The following DGKZ variants were observed in gnomAD, a reference collection of about 807,000 sequenced individuals.
The protein encoded by DGKZ is diacylglycerol kinase zeta.
In DGKZ, 45 loss-of-function variants were observed where a neutral mutation model predicts 142.5. That is an observed-to-expected ratio of 0.32 (90% CI 0.25 to 0.40). DGKZ has a LOEUF of 0.40. DGKZ is among the 10% of genes least tolerant of loss of function. The pLI is 1.00. For synonymous variants in DGKZ, 442 were observed against 527.0 expected (o/e 0.84, Z 2.21); for missense variants, 755 against 1,306.5 (o/e 0.58, Z 6.51).
chr11:46,350,483 T>G (rs934675350), intron 1 of DGKZ, among the ~76,000 whole-genome samples: 2 of 151,942 alleles, frequency 1.3e-5, no homozygotes, highest in African/African-American at 4.8e-5. Context: ...ATCCACCCCA[T>G]GTCCCCCATC....
intron 1 of DGKZ, among the ~76,000 whole-genome samples, chr11:46,357,994 G>A (rs1052517821): frequency 6.6e-5 from 10 of 152,212 alleles, no homozygotes; most frequent in Admixed American, 3.9e-4. Flanking sequence ...CAGGAGCCAC[G>A]TCTGCCAGGG....
chr11:46,361,809 C>T, intron 1 of DGKZ: 2 of 402,698 alleles, frequency 5.0e-6, no homozygotes, highest in Non-Finnish European at 6.7e-6. Context: ...CGGGCCCCAC[C>T]ATCCCTAGGC....
chr11:46,347,273 G>A (rs1940731774), upstream of DGKZ: 2 of 979,402 alleles, frequency 2.0e-6, no homozygotes, highest in Non-Finnish European at 2.4e-6. This position sits in a 1 kb window ranked among gnomAD's most constrained non-coding sequence, Gnocchi z 6.4. Flanking sequence ...GCCGGGCTGG[G>A]GGCAGGGCTT....
rs762697147 is a variant in DGKZ at position 46,377,192 on chromosome 11, A to G, written c.2322A>G (p.Ser774=). Residue 774 remains serine, a synonymous_variant, in exon 25 of 31, where the codon TCA becomes TCG. Coordinates refer to ENST00000527911, the Ensembl canonical transcript of DGKZ. ...CCCCCACTTCCCCTCTCCCCACCTCACCCTGCTCACCCACGCCCCGGTGAG... is the reference window on the plus strand; with the variant it reads ...CCCCCACTTCCCCTCTCCCCACCTCGCCCTGCTCACCCACGCCCCGGTGAG... 41 of 1,592,962 alleles carry G rather than the reference A, an allele frequency of 2.6e-5. No homozygotes were observed. The East Asian group carries it at 9.0e-4, about 35-fold the overall frequency.
At chr11:46,369,740 C>T (rs1943735590) in intron 5 of DGKZ, 190 bp downstream of exon 5, 13 of 894,618 alleles carry the variant, frequency 1.5e-5, no homozygotes, top group Non-Finnish European at 2.3e-5. Context: ...GCTTGTGCCT[C>T]CTGGTGCTTC....
rs1944025589 is a variant in DGKZ at position 46,372,245 on chromosome 11, C to G, written c.927+75C>G. The G allele has an allele frequency of 6.9e-7, 1 of 1,441,862 alleles. No individual in the cohort carries two copies. The highest frequency in any genetic ancestry group is 1.8e-4 in the Middle Eastern group (1 of 5,634). The allele number at this position is 1,441,862 out of a possible 1,614,324, so 89.3% of individuals were successfully genotyped here. On this transcript the variant is annotated intron_variant, in intron 10 of 30. Coordinates refer to ENST00000527911, the Ensembl canonical transcript of DGKZ. The surrounding 1 kb of genome is among the most constrained non-coding windows in gnomAD (Gnocchi z 5.9). ...CCAGCCCGTCTGCCAGCAGCTGTTC[C>G]CAGAGCCCGTTTCTGGCTTCTACCC...
In DGKZ at chr11:46,372,543, G is replaced by C; in HGVS notation, c.1010+33G>C. On this transcript the variant is annotated intron_variant, in intron 11 of 30. Transcript: ENST00000527911. The surrounding 1 kb of genome is among the most constrained non-coding windows in gnomAD (Gnocchi z 5.9). The stretch of plus-strand genomic sequence containing the variant: ...CTTGCCAAGGTTTTGTGGGGGACAT[G>C]GGGGGGAACTTGCCTCACTCCTGGG... The C allele has an allele frequency of 1.9e-6, 3 of 1,613,434 alleles. No individual in the cohort carries two copies. Among genetic ancestry groups the C allele is most frequent in the Non-Finnish European group, 2.5e-6 (3 of 1,179,594 alleles).
intron 27 of DGKZ, 37 bp from the exon 28 acceptor site, chr11:46,378,954 C>T: frequency 6.6e-7 from 1 of 1,506,428 alleles, no homozygotes; most frequent in Non-Finnish European, 8.8e-7. Flanking sequence ...AGGGGTGGCC[C>T]CAGGAGGTCC....
At chr11:46,356,661 A>G (rs1316313255) in intron 1 of DGKZ, among the ~76,000 whole-genome samples, 3 of 152,150 alleles carry the variant, frequency 2.0e-5, no homozygotes, top group Non-Finnish European at 4.4e-5. Context: ...TTTGTTTGCC[A>G]GAAGCATCCA....
At chr11:46,349,279 A>G (rs1203114447) in intron 1 of DGKZ, among the ~76,000 whole-genome samples, 2 of 152,206 alleles carry the variant, frequency 1.3e-5, no homozygotes, top group Non-Finnish European at 2.9e-5. Context: ...GCCCTGCAAG[A>G]TGGAGCAGTT....
chr11:46,373,700 G>T (rs1944242622), intron 14 of DGKZ, among the ~76,000 whole-genome samples: 1 of 152,102 alleles, frequency 6.6e-6, no homozygotes, highest in Admixed American at 6.5e-5. Flanking sequence ...GTCTCACCAT[G>T]TTGGTCAGCC....
chr11:46,333,394 A>T lies in DGKZ; in HGVS notation c.119A>T (p.Gln40Leu), dbSNP rs771537612. The T allele has an allele frequency of 2.8e-6, 4 of 1,445,588 alleles. No individual in the cohort carries two copies. In the South Asian group the frequency reaches 5.5e-5, roughly 20 times the overall value. 89.5% of individuals were successfully genotyped at this position (1,445,588 alleles called of 1,614,324 possible). Residue 40 changes from glutamine to leucine, a missense_variant, in exon 1 of 31, where the codon CAG (glutamine) becomes CTG (leucine). Gln to Leu is a moderately radical substitution (Grantham distance 113). Transcript: ENST00000343674. ...CGCGGGGAGGAGGCCCAGGTCGCGC[A>T]GCCCTGGCCCGAGGGTTCCCGGGGC...
At chr11:46,356,519 T>C (rs895424864) in intron 1 of DGKZ, among the ~76,000 whole-genome samples, 1 of 152,162 alleles carries the variant, frequency 6.6e-6, no homozygotes. Flanking sequence ...ATTTGCACAT[T>C]AGTGCTGATT....
chr11:46,367,584 G>T lies in DGKZ; in HGVS notation c.271-68G>T. 1 of 956,872 alleles carries T rather than the reference G, an allele frequency of 1.0e-6. No homozygotes were observed. The highest frequency in any genetic ancestry group is 1.7e-5 in the African/African-American group (1 of 58,270). 59.3% of individuals were successfully genotyped at this position (956,872 alleles called of 1,614,324 possible). A position where few individuals can be genotyped will look rare whatever the true frequency, so the allele number is the denominator to read the frequency against. The stretch of plus-strand genomic sequence containing the variant: ...GGGTTTGTCTTGGGAGAGGGCGGGT[G>T]GGCGGGGGCTGATGGGAGGGAGGGC... On this transcript the variant is annotated intron_variant, in intron 2 of 30. Transcript: ENST00000527911. The surrounding 1 kb of genome is among the most constrained non-coding windows in gnomAD (Gnocchi z 4.1).
chr11:46,343,333 ATAT>A (rs1940369648), upstream of DGKZ, among the ~76,000 whole-genome samples: 1 of 152,220 alleles, frequency 6.6e-6, no homozygotes, highest in South Asian at 2.1e-4. Flanking sequence ...TTACTGAAAA[ATAT>A]TATGTTCCCA....
At position 46,368,633 on chromosome 11, in the gene DGKZ, A is replaced by C. The variant is rs1943592028; in HGVS notation, c.444+554A>C. The C allele has an allele frequency of 1.7e-5, 4 of 237,806 alleles. No homozygotes were observed. The Admixed American group carries it at 2.1e-4, about 12-fold the overall frequency. 14.7% of individuals were successfully genotyped at this position (237,806 alleles called of 1,614,324 possible). On this transcript the variant is annotated intron_variant, in intron 4 of 30. Transcript: ENST00000527911. ...GCCATCATACGGGAGAGACTGTAAG[A>C]CTAGGAGTGGTTCAGGCAGGCTCAC...
intron 1 of DGKZ, among the ~76,000 whole-genome samples, chr11:46,358,162 G>A (rs1590471162): frequency 6.6e-6 from 1 of 152,260 alleles, no homozygotes; most frequent in East Asian, 1.9e-4. Flanking sequence ...AAGCAGTGGT[G>A]GGTAAAACTG....
At chr11:46,352,767 C>T (rs1200503916) in intron 1 of DGKZ, among the ~76,000 whole-genome samples, 2 of 152,214 alleles carry the variant, frequency 1.3e-5, no homozygotes, top group Non-Finnish European at 2.9e-5. Context: ...CCTGGGCCAC[C>T]CCTGAGCGGT....
chr11:46,369,545 C>A (rs569025084), exon 5 of DGKZ: 1 of 1,612,732 alleles, frequency 6.2e-7, no homozygotes, highest in Non-Finnish European at 8.5e-7. Flanking sequence ...CAGGAATGTC[C>A]GCGAGGTAAG....
Sources: allele counts gnomAD v4.1 joint callset (sites outside exome capture counted in the v4.1 genomes callset), GRCh38; gene constraint gnomAD v4.1.1; non-coding constraint Gnocchi (gnomAD v3.1); transcripts MANE v1.5; gene names NCBI Gene and HGNC (gene_info 2026-07-23, HGNC 2026-07-21).